KCNN2: variants seen among roughly 807,000 people sequenced by gnomAD.
The protein encoded by KCNN2 is potassium calcium-activated channel subfamily N member 2.
In KCNN2, 24 loss-of-function variants were observed where a neutral mutation model predicts 55.5. The ratio of observed to expected loss-of-function variants is 0.43; its 90% CI spans 0.31 to 0.61. The LOEUF (loss-of-function observed/expected upper bound fraction) is 0.61. Among genes scored for constraint, KCNN2 ranks in the 20% least tolerant of loss-of-function variants. KCNN2 has a pLI of 0.08. For missense variants in KCNN2, 754 were observed against 853.6 expected (o/e 0.88, Z 1.45); for synonymous variants, 431 against 336.1 (o/e 1.28, Z -3.09).
At chr5:114,179,967 TC>T (rs1328530895) in intron 1 of KCNN2, among the ~76,000 whole-genome samples, 1 of 152,210 alleles carries the variant, frequency 6.6e-6, no homozygotes, top group African/African-American at 2.4e-5. Context: ...CCTAGATTTT[TC>T]CCCCTTTGCT....
chr5:114,187,446 C>G (rs1753356531), intron 1 of KCNN2, among the ~76,000 whole-genome samples: 2 of 150,698 alleles, frequency 1.3e-5, no homozygotes, highest in African/African-American at 4.9e-5. Flanking sequence ...CTGGCCTAAC[C>G]TTTTGGAATA....
chr5:114,262,730 A>G (rs1283938935), intron 2 of KCNN2, among the ~76,000 whole-genome samples: 3 of 152,314 alleles, frequency 2.0e-5, no homozygotes, highest in South Asian at 4.1e-4. Flanking sequence ...GTCATTCTTA[A>G]TCATACCTTC....
intron 2 of KCNN2, among the ~76,000 whole-genome samples, chr5:114,256,324 G>A (rs1179391216): frequency 6.6e-6 from 1 of 152,122 alleles, no homozygotes; most frequent in Non-Finnish European, 1.5e-5. Context: ...ATTAGGAAGA[G>A]TACTACAATC....
At chr5:114,319,308 G>C (rs1194870981) in intron 2 of KCNN2, among the ~76,000 whole-genome samples, 1 of 152,110 alleles carries the variant, frequency 6.6e-6, no homozygotes, top group Admixed American at 6.5e-5. Flanking sequence ...TTCTTAAGGG[G>C]ATGAGCTGTT....
At chr5:114,324,562 C>T (rs1283747871) in intron 2 of KCNN2, among the ~76,000 whole-genome samples, 1 of 152,146 alleles carries the variant, frequency 6.6e-6, no homozygotes, top group African/African-American at 2.4e-5. Flanking sequence ...CCCTGTCAGC[C>T]CTGCTGACAT....
At chr5:114,092,887 C>T (rs543283418) in intron 1 of KCNN2, among the ~76,000 whole-genome samples, 4 of 152,276 alleles carry the variant, frequency 2.6e-5, no homozygotes, top group East Asian at 3.9e-4. Context: ...ATTTTTTCTT[C>T]CTGGGCCTCC....
intron 2 of KCNN2, among the ~76,000 whole-genome samples, chr5:114,371,412 T>C (rs182611984): frequency 9.2e-5 from 14 of 151,998 alleles, no homozygotes; most frequent in African/African-American, 3.1e-4. Flanking sequence ...AAGTAAGAAG[T>C]AGAAAAAAGA....
chr5:114,334,986 C>G (rs1377990155), intron 2 of KCNN2, among the ~76,000 whole-genome samples: 1 of 151,980 alleles, frequency 6.6e-6, no homozygotes, highest in Non-Finnish European at 1.5e-5. Flanking sequence ...TGCAGTGTCG[C>G]GATCTTGGCT....
intron 7 of KCNN2, 21 bp from the exon 8 acceptor site, chr5:114,495,874 C>T: frequency 6.2e-7 from 1 of 1,605,762 alleles, no homozygotes; most frequent in Non-Finnish European, 8.5e-7. Context: ...AATTAACCTT[C>T]TTCTCAATCC....
chr5:114,362,688 G>GCACCAC lies in KCNN2; in HGVS notation c.560_565dup (p.His187_His188dup), dbSNP rs902486279. The GCACCAC allele has an allele frequency of 4.1e-6, 6 of 1,453,436 alleles. No individual in the cohort carries two copies. The African/African-American group carries it at 4.3e-5, about 10-fold the overall frequency. 90.0% of individuals were successfully genotyped at this position (1,453,436 alleles called of 1,614,324 possible). A position where few individuals can be genotyped will look rare whatever the true frequency, so the allele number is the denominator to read the frequency against. On this transcript the variant is annotated inframe_insertion, in exon 1 of 8. Coordinates refer to ENST00000673685, the MANE Select transcript of KCNN2 (RefSeq NM_021614.4). ...GTCTGGGCTCCGGGCCCCCGCTCTC[G>GCACCAC]CACCACCACCACCACCCGCACCCGG...
intron 5 of KCNN2, among the ~76,000 whole-genome samples, chr5:114,481,343 C>G (rs569068074): frequency 6.6e-6 from 1 of 151,964 alleles, no homozygotes; most frequent in Non-Finnish European, 1.5e-5. Flanking sequence ...TCAAAGAAAT[C>G]AGAAAGGACA....
intron 2 of KCNN2, among the ~76,000 whole-genome samples, chr5:114,260,779 A>G (rs1441506472): frequency 6.6e-6 from 1 of 152,192 alleles, no homozygotes. Context: ...GTCTTCCCAT[A>G]TAGCTAGGTG....
chr5:114,361,414 A>T (rs551077612), upstream of KCNN2, among the ~76,000 whole-genome samples: 7 of 152,312 alleles, frequency 4.6e-5, no homozygotes, highest in African/African-American at 7.2e-5. Context: ...CGGCCAAGGC[A>T]GGGCTCAGGC....
chr5:114,411,576 A>G (rs1040792399), intron 3 of KCNN2, among the ~76,000 whole-genome samples: 6 of 152,300 alleles, frequency 3.9e-5, no homozygotes, highest in Admixed American at 3.9e-4. Context: ...CCTAGAGTCC[A>G]AAGGCTGGAA....
At chr5:114,108,689 T>C (rs1751536225) in intron 1 of KCNN2, among the ~76,000 whole-genome samples, 1 of 152,118 alleles carries the variant, frequency 6.6e-6, no homozygotes, top group Non-Finnish European at 1.5e-5. Context: ...TGCTGTTGCA[T>C]GTATCAGTAG....
chr5:114,079,805 A>G (rs777351595), intron 1 of KCNN2, among the ~76,000 whole-genome samples: 1 of 151,486 alleles, frequency 6.6e-6, no homozygotes, highest in Non-Finnish European at 1.5e-5. Flanking sequence ...GAAAATCAAT[A>G]AACAGTAGAT....
chr5:114,425,229 T>A (rs1759583794), intron 3 of KCNN2, among the ~76,000 whole-genome samples: 1 of 152,202 alleles, frequency 6.6e-6, no homozygotes, highest in Non-Finnish European at 1.5e-5. Flanking sequence ...AGATTCTGCA[T>A]AAATCCCAAA....
At chr5:114,112,247 A>G (rs1028942408) in intron 1 of KCNN2, among the ~76,000 whole-genome samples, 1 of 152,150 alleles carries the variant, frequency 6.6e-6, no homozygotes, top group African/African-American at 2.4e-5. Flanking sequence ...CAAACACTGC[A>G]TGTTCTCACT....
rs536077537 is a variant in KCNN2 at position 114,479,035 on chromosome 5, T to C, written c.1890+5871T>C. On this transcript the variant is annotated intron_variant, in intron 5 of 7. Transcript: ENST00000673685. ...CTAGCATCATGATGACAGGATCAAA[T>C]TCACACAGAGCAATAGTAACCTTAA... Among the ~76,000 whole-genome samples, 8 of 151,174 alleles carry C rather than the reference T, an allele frequency of 5.3e-5. No individual in the cohort carries two copies. The Middle Eastern group carries it at 0.01, about 193-fold the overall frequency.
Sources: allele counts gnomAD v4.1 joint callset (sites outside exome capture counted in the v4.1 genomes callset), GRCh38; gene constraint gnomAD v4.1.1; transcripts MANE v1.5; gene names NCBI Gene and HGNC (gene_info 2026-07-23, HGNC 2026-07-21).